Variants in COMMD1 observed in about 807,000 individuals in gnomAD.
COMMD1 encodes the protein COMM domain-containing protein 1.
In COMMD1, 10 loss-of-function variants were observed where a neutral mutation model predicts 17.2. The observed-to-expected ratio is 0.58, with a 90% confidence interval of 0.36 to 0.99. The LOEUF (loss-of-function observed/expected upper bound fraction) is 0.99. Ranked by LOEUF, COMMD1 falls within the 50% of genes least tolerant of loss-of-function variation. The pLI is 0.01. For missense variants in COMMD1, 270 were observed against 231.8 expected, an observed-to-expected ratio of 1.17 and a Z score of -1.07; for synonymous variants, 97 against 91.6, an observed-to-expected ratio of 1.06 and a Z score of -0.34.
At chr2:61,931,049 T>G (rs1670453672) in intron 1 of COMMD1, among the ~76,000 whole-genome samples, 1 of 152,060 alleles carries the variant, frequency 6.6e-6, no homozygotes, top group Non-Finnish European at 1.5e-5. Context: ...TGGGGGCTCG[T>G]GCCTGTAATC....
intron 1 of COMMD1, among the ~76,000 whole-genome samples, chr2:61,976,478 G>A (rs113722695): frequency 6.6e-6 from 1 of 152,142 alleles, no homozygotes. Context: ...TGTCTTTAAT[G>A]TGTATATTCT....
intron 1 of COMMD1, among the ~76,000 whole-genome samples, chr2:61,986,172 C>CA (rs1672099826): frequency 6.7e-6 from 1 of 149,616 alleles, no homozygotes; most frequent in South Asian, 2.1e-4. Flanking sequence ...TTTTTTCCTT[C>CA]AGCACTTTAA....
At chr2:61,954,991 A>C (rs1341594722) in intron 1 of COMMD1, among the ~76,000 whole-genome samples, 4 of 152,184 alleles carry the variant, frequency 2.6e-5, no homozygotes, top group African/African-American at 9.7e-5. Context: ...AGGATAGTAT[A>C]ATCAAAGAAA....
chr2:61,901,347 G>A (rs1243850910), upstream of COMMD1, among the ~76,000 whole-genome samples: 1 of 152,014 alleles, frequency 6.6e-6, no homozygotes, highest in Non-Finnish European at 1.5e-5. Flanking sequence ...TTATTGCTGG[G>A]GGCAGTGGCT....
chr2:61,928,155 G>A (rs1350135018), intron 1 of COMMD1, among the ~76,000 whole-genome samples: 1 of 151,896 alleles, frequency 6.6e-6, no homozygotes, highest in African/African-American at 2.4e-5. Context: ...ATAAAGCAGG[G>A]AGCTATTTAT....
intron 1 of COMMD1, among the ~76,000 whole-genome samples, chr2:61,951,015 A>G (rs951835991): frequency 1.3e-5 from 2 of 152,176 alleles, no homozygotes; most frequent in African/African-American, 4.8e-5. Flanking sequence ...TAGGGCTTCA[A>G]TTGGAAGGTG....
At chr2:61,943,871 G>T (rs553002614) in intron 1 of COMMD1, among the ~76,000 whole-genome samples, 2 of 151,986 alleles carry the variant, frequency 1.3e-5, no homozygotes, top group African/African-American at 4.8e-5. Context: ...AAAATGACCA[G>T]CTCCTGTATG....
intron 2 of COMMD1, among the ~76,000 whole-genome samples, chr2:62,074,883 G>A (rs1434154159): frequency 9.0e-6 from 1 of 110,536 alleles, no homozygotes; most frequent in African/African-American, 3.5e-5. Flanking sequence ...TGTTTGTGTG[G>A]TTTTTTTTTT....
upstream of COMMD1, among the ~76,000 whole-genome samples, chr2:61,902,461 A>T (rs748816522): frequency 7.3e-5 from 11 of 150,338 alleles, no homozygotes; most frequent in Non-Finnish European, 1.2e-4. Flanking sequence ...AGCCGAGATC[A>T]TGCCATTGCA....
chr2:61,892,945 G>A (rs994517296), intron 1 of COMMD1, among the ~76,000 whole-genome samples: 4 of 151,704 alleles, frequency 2.6e-5, no homozygotes, highest in Non-Finnish European at 1.5e-5. Flanking sequence ...TCAGCTCACT[G>A]CAACCTCTGC....
chr2:62,079,195 G>A (rs942506857), intron 2 of COMMD1, among the ~76,000 whole-genome samples: 1 of 152,046 alleles, frequency 6.6e-6, no homozygotes, highest in African/African-American at 2.4e-5. Context: ...AGTAAAAGCA[G>A]GTTTATTAAG....
intron 1 of COMMD1, among the ~76,000 whole-genome samples, chr2:61,899,827 C>G (rs1418894940): frequency 6.6e-6 from 1 of 151,986 alleles, no homozygotes; most frequent in African/African-American, 2.4e-5. Flanking sequence ...GTGTGCCACC[C>G]CACCCAGCTA....
intron 2 of COMMD1, among the ~76,000 whole-genome samples, chr2:62,004,537 C>T (rs1312794148): frequency 6.6e-6 from 1 of 152,010 alleles, no homozygotes; most frequent in Non-Finnish European, 1.5e-5. Flanking sequence ...CTCCTGACCT[C>T]GTGATCCACC....
intron 2 of COMMD1, among the ~76,000 whole-genome samples, chr2:62,018,988 G>A (rs941381774): frequency 3.3e-5 from 5 of 149,372 alleles, no homozygotes; most frequent in African/African-American, 1.3e-4. Flanking sequence ...AAGAATAGAA[G>A]AGAGCAAACC....
chr2:61,910,285 CT>C (rs1437982642), intron 1 of COMMD1, among the ~76,000 whole-genome samples: 1 of 151,618 alleles, frequency 6.6e-6, no homozygotes, highest in Non-Finnish European at 1.5e-5. Flanking sequence ...GAGTCTCACT[CT>C]CTTGCCCAGG....
chr2:62,119,261 AC>A (rs759052377), intron 2 of COMMD1, among the ~76,000 whole-genome samples: 6 of 152,218 alleles, frequency 3.9e-5, no homozygotes, highest in Non-Finnish European at 8.8e-5. Context: ...TTCATCTTGG[AC>A]TTCTAGCCTC....
intron 1 of COMMD1, among the ~76,000 whole-genome samples, chr2:61,953,458 T>G (rs1671112745): frequency 6.7e-6 from 1 of 150,124 alleles, no homozygotes; most frequent in South Asian, 2.1e-4. Context: ...AACCTCCACC[T>G]CCTGGGTTCA....
At chr2:62,013,074 T>C (rs1221796090) in intron 2 of COMMD1, among the ~76,000 whole-genome samples, 1 of 152,094 alleles carries the variant, frequency 6.6e-6, no homozygotes, top group African/African-American at 2.4e-5. Flanking sequence ...TGATGTGACT[T>C]ATATTCTAAT....
At chr2:62,116,630 C>A (rs959932252) in intron 2 of COMMD1, among the ~76,000 whole-genome samples, 1 of 143,950 alleles carries the variant, frequency 6.9e-6, no homozygotes, top group Admixed American at 7.3e-5. Flanking sequence ...AAAGATAGCA[C>A]CACTGCACTC....
Sources: gnomAD v4.1 joint callset for allele counts (sites outside exome capture counted in the v4.1 genomes callset) on GRCh38, gnomAD v4.1.1 for gene constraint, MANE v1.5 for transcripts, NCBI Gene and HGNC (gene_info 2026-07-23, HGNC 2026-07-21) for gene names.